LRBA: variants seen among roughly 807,000 people sequenced by gnomAD.
LRBA encodes the protein lipopolysaccharide-responsive and beige-like anchor protein.
A neutral mutation model predicts 330.0 loss-of-function variants in LRBA; 176 were observed. The ratio of observed to expected loss-of-function variants is 0.53; its 90% confidence interval spans 0.47 to 0.60. The LOEUF (loss-of-function observed/expected upper bound fraction) is 0.60. Ranked by LOEUF, LRBA falls within the 20% of genes least tolerant of loss-of-function variation. The pLI, the probability that LRBA is intolerant of heterozygous loss-of-function variation, is 0.00. For missense variants in LRBA, 3,259 were observed against 3,444.8 expected, an observed-to-expected ratio of 0.95 and a Z score of 1.35; for synonymous variants, 1,230 against 1,193.0, an observed-to-expected ratio of 1.03 and a Z score of -0.64.
Position 150,809,917 on chromosome 4 carries a change from TACGATAC to T in LRBA, c.5306-1526_5306-1520del, listed in dbSNP as rs1560850380. On this transcript the variant is annotated intron_variant, in intron 31 of 56. Transcript: ENST00000651943. ...TACGATACGATACGATACGATACGATACGATACGATACGATACTTCCCTCTGCTTCAC... is the reference window on the plus strand; with the variant it reads ...TACGATACGATACGATACGATACGATGATACGATACTTCCCTCTGCTTCAC... Among the ~76,000 whole-genome samples, 396 of 134,356 alleles carry T rather than the reference TACGATAC, an allele frequency of 2.9e-3. 4 individuals carry two copies. The highest frequency in any genetic ancestry group is 0.011 in the African/African-American group (380 of 35,994). The allele number at this position is 134,356 out of a possible 152,430, so 88.1% of individuals were successfully genotyped here. A position where few individuals can be genotyped will look rare whatever the true frequency, so the allele number is the denominator to read the frequency against.
In LRBA at chr4:150,893,142, T is replaced by TTGTC. The variant is rs1560970381; in HGVS notation, c.2071_2074dup (p.Asn692ArgfsTer19). 1 of 1,597,396 alleles carries TTGTC rather than the reference T, an allele frequency of 6.3e-7. No homozygotes were observed. The highest frequency in any genetic ancestry group is 8.6e-7 in the Non-Finnish European group (1 of 1,167,444). ...AAGCAGCTGTAGGACATCCATTAGATTGTCATCCTATAATCATTTTAGAAA... is the reference window on the plus strand; with the variant it reads ...AAGCAGCTGTAGGACATCCATTAGATTGTCTGTCATCCTATAATCATTTTAGAAA... On this transcript the variant is annotated frameshift_variant, in exon 17 of 57. Coordinates refer to ENST00000651943, the MANE Select transcript of LRBA (RefSeq NM_001364905.1). LOFTEE classifies it high-confidence loss of function.
At chr4:150,808,658 C>T (rs935586502) in intron 31 of LRBA, among the ~76,000 whole-genome samples, 13 of 152,198 alleles carry the variant, frequency 8.5e-5, no homozygotes, top group African/African-American at 2.2e-4. Flanking sequence ...ATTCTGACTC[C>T]CTAAATAAGG....
chr4:150,630,414 T>C (rs577351194), intron 37 of LRBA, among the ~76,000 whole-genome samples: 5 of 152,324 alleles, frequency 3.3e-5, no homozygotes, highest in Non-Finnish European at 4.4e-5. Flanking sequence ...TGGAAGATAA[T>C]TGCAGAGAAA....
At chr4:150,917,523 T>A (rs971720918) in intron 5 of LRBA, among the ~76,000 whole-genome samples, 102 of 152,312 alleles carry the variant, frequency 6.7e-4, no homozygotes, top group African/African-American at 2.3e-3. Context: ...ATAATATTTT[T>A]AAATTATATT....
intron 35 of LRBA, among the ~76,000 whole-genome samples, chr4:150,761,165 C>T (rs932164519): frequency 1.3e-5 from 2 of 151,972 alleles, no homozygotes; most frequent in African/African-American, 4.8e-5. Flanking sequence ...AAAAAGTGGT[C>T]CACTAATCAT....
intron 47 of LRBA, among the ~76,000 whole-genome samples, chr4:150,408,090 G>C (rs1232674124): frequency 6.6e-6 from 1 of 151,790 alleles, no homozygotes; most frequent in East Asian, 1.9e-4. Context: ...ACACCATAGA[G>C]GAAACCAGTG....
chr4:150,848,119 A>T (rs1196515143), intron 26 of LRBA, among the ~76,000 whole-genome samples: 1 of 152,002 alleles, frequency 6.6e-6, no homozygotes, highest in Non-Finnish European at 1.5e-5. Context: ...GGTTCAAGCG[A>T]TTCTGCTGCC....
At chr4:150,608,103 T>C (rs1021193160) in intron 37 of LRBA, among the ~76,000 whole-genome samples, 8 of 151,992 alleles carry the variant, frequency 5.3e-5, no homozygotes. Flanking sequence ...CCCAGCTACT[T>C]GGGAAGCAGA....
intron 47 of LRBA, among the ~76,000 whole-genome samples, chr4:150,408,354 C>T (rs1437157665): frequency 1.3e-5 from 2 of 151,902 alleles, no homozygotes; most frequent in Non-Finnish European, 2.9e-5. Context: ...TAAAAAAAAT[C>T]TTGATAGACC....
intron 37 of LRBA, among the ~76,000 whole-genome samples, chr4:150,620,749 A>G (rs1776213787): frequency 6.6e-6 from 1 of 152,182 alleles, no homozygotes. Flanking sequence ...AGTGGGAGCT[A>G]AGCTACGAGT....
intron 44 of LRBA, among the ~76,000 whole-genome samples, chr4:150,464,622 G>C (rs1237031937): frequency 1.3e-5 from 2 of 151,948 alleles, no homozygotes; most frequent in African/African-American, 4.8e-5. Context: ...AAATTCTGCT[G>C]ATCTGGGCCT....
At chr4:150,773,886 T>A (rs1342114153) in intron 34 of LRBA, among the ~76,000 whole-genome samples, 1 of 152,186 alleles carries the variant, frequency 6.6e-6, no homozygotes, top group East Asian at 1.9e-4. Context: ...TTCCCTGATA[T>A]TTTAGGTCTC....
intron 2 of LRBA, among the ~76,000 whole-genome samples, chr4:151,008,988 A>AAAAAAAAAAATAT (rs1554018903): frequency 1.8e-4 from 1 of 5,532 alleles, no homozygotes; most frequent in African/African-American, 4.7e-4. Flanking sequence ...AAAAAAAAAA[A>AAAAAAAAAAATAT]ATATATATAT....
chr4:150,677,891 AT>A (rs1782704980), intron 37 of LRBA, among the ~76,000 whole-genome samples: 3 of 152,138 alleles, frequency 2.0e-5, no homozygotes, highest in African/African-American at 4.8e-5. Context: ...CAGGCCTGTA[AT>A]TAGTACATCA....
intron 34 of LRBA, among the ~76,000 whole-genome samples, chr4:150,791,856 G>A (rs892361159): frequency 7.3e-5 from 11 of 151,538 alleles, no homozygotes; most frequent in African/African-American, 2.4e-4. Flanking sequence ...GTGAAACCCC[G>A]TCTCTACTAA....
At chr4:150,429,982 T>C (rs1165813786) in intron 46 of LRBA, among the ~76,000 whole-genome samples, 1 of 152,272 alleles carries the variant, frequency 6.6e-6, no homozygotes, top group East Asian at 1.9e-4. Context: ...GGGATTTTAA[T>C]TGACTTCTCA....
chr4:150,436,022 T>C (rs1248702136), intron 45 of LRBA, among the ~76,000 whole-genome samples: 1 of 152,150 alleles, frequency 6.6e-6, no homozygotes, highest in Non-Finnish European at 1.5e-5. Context: ...GTACAGGGAA[T>C]AGTCCAGTAT....
chr4:150,421,775 C>T (rs1014431962), intron 46 of LRBA, among the ~76,000 whole-genome samples: 2 of 152,104 alleles, frequency 1.3e-5, no homozygotes, highest in Non-Finnish European at 2.9e-5. Context: ...GCTCTCTGCT[C>T]CACCCCAGCG....
chr4:150,685,421 T>TATATATATATGTATATA (rs58013900), intron 36 of LRBA, among the ~76,000 whole-genome samples: 1 of 11,110 alleles, frequency 9.0e-5, no homozygotes, highest in Non-Finnish European at 1.4e-4. Context: ...TATATATATA[T>TATATATATATGTATATA]TTTTTTTTTT....
Sources: gnomAD v4.1 joint callset for allele counts (sites outside exome capture counted in the v4.1 genomes callset) on GRCh38, gnomAD v4.1.1 for gene constraint, MANE v1.5 for transcripts, NCBI Gene and HGNC (gene_info 2026-07-23, HGNC 2026-07-21) for gene names.